The following STXBP6 variants were observed in gnomAD, a reference collection of about 807,000 sequenced individuals.
The protein encoded by STXBP6 is syntaxin binding protein 6, also known as syntaxin-binding protein 6.
STXBP6 carries 21 observed loss-of-function variants against 26.9 expected under a neutral mutation model. The ratio of observed to expected loss-of-function variants is 0.78; its 90% CI spans 0.55 to 1.12. STXBP6 has a LOEUF of 1.12. Among genes scored for constraint, STXBP6 ranks in the 50% most tolerant of loss-of-function variants. The pLI is 0.00. For missense variants in STXBP6, 232 were observed against 257.9 expected (o/e 0.90, Z 0.69); for synonymous variants, 97 against 92.6 (o/e 1.05, Z -0.27).
chr14:24,927,234 T>C (rs930233933), intron 2 of STXBP6, among the ~76,000 whole-genome samples: 1 of 152,194 alleles, frequency 6.6e-6, no homozygotes, highest in Non-Finnish European at 1.5e-5. Flanking sequence ...TTCTCCGTGG[T>C]ATTCCACACT....
At chr14:24,879,773 T>G (rs1210564167) in intron 2 of STXBP6, among the ~76,000 whole-genome samples, 1 of 152,210 alleles carries the variant, frequency 6.6e-6, no homozygotes. Flanking sequence ...GGATCTTGGT[T>G]GGCAGGAGTT....
In STXBP6 at chr14:25,029,006, G is replaced by A. The variant is rs563904348; in HGVS notation, c.-33+20872C>T. Among the ~76,000 whole-genome samples the A allele has an allele frequency of 4.3e-4, 65 of 152,296 alleles. 1 individual carries two copies. Among genetic ancestry groups the A allele is most frequent in the African/African-American group, 1.3e-3 (56 of 41,538 alleles). ...CTTATGATAAAACTTGAATGAATGA[G>A]GAGTTGCTTCTTATGGATGAGCAGA... On this transcript the variant is annotated intron_variant, in intron 1 of 5. Coordinates refer to ENST00000323944, the MANE Select transcript of STXBP6 (RefSeq NM_001394410.1).
chr14:25,049,359 C>T lies in STXBP6; in HGVS notation c.-33+519G>A. The T allele has an allele frequency of 2.0e-6, 2 of 985,368 alleles. No homozygotes were observed. Among genetic ancestry groups the T allele is most frequent in the African/African-American group, 1.7e-5 (1 of 57,354 alleles). The allele number at this position is 985,368 out of a possible 1,614,324, so 61.0% of individuals were successfully genotyped here. On this transcript the variant is annotated intron_variant, in intron 1 of 5. Transcript: ENST00000323944. The surrounding 1 kb of genome is among the most constrained non-coding windows in gnomAD (Gnocchi z 5.6). ...CGCCCTGGGGGCAGGGTGCCGTGCC[C>T]GCCAGAAAAGCTCGCCTCAGTTTTG... is the stretch of plus-strand genomic sequence containing the variant.
chr14:24,859,287 C>G (rs555122318), intron 2 of STXBP6, among the ~76,000 whole-genome samples: 18 of 152,252 alleles, frequency 1.2e-4, no homozygotes, highest in African/African-American at 4.3e-4. Flanking sequence ...TTATTCCTTG[C>G]CCAGTTCTTG....
At chr14:24,855,785 C>T in intron 4 of STXBP6, 151 bp downstream of exon 4, 1 of 607,130 alleles carries the variant, frequency 1.6e-6, no homozygotes, top group Non-Finnish European at 2.6e-6. Context: ...ATACAATAAA[C>T]TCCCTGGAAT....
chr14:24,931,501 G>GAA (rs1323829534), intron 2 of STXBP6, among the ~76,000 whole-genome samples: 4 of 152,304 alleles, frequency 2.6e-5, no homozygotes, highest in African/African-American at 9.6e-5. Context: ...CCTTGGTAGA[G>GAA]TTAGGTTTAT....
At chr14:24,827,138 T>C (rs1054582579) in intron 4 of STXBP6, among the ~76,000 whole-genome samples, 6 of 152,028 alleles carry the variant, frequency 3.9e-5, no homozygotes, top group African/African-American at 1.2e-4. Flanking sequence ...GACACTGAGG[T>C]TTCTGTGAGC....
chr14:24,977,289 C>A (rs2074074718), intron 1 of STXBP6, among the ~76,000 whole-genome samples: 1 of 152,058 alleles, frequency 6.6e-6, no homozygotes, highest in African/African-American at 2.4e-5. Context: ...CATATAAAAT[C>A]TGTCAGAAAA....
At chr14:24,952,628 G>GTCATTA (rs1270118052) in intron 2 of STXBP6, among the ~76,000 whole-genome samples, 1 of 152,044 alleles carries the variant, frequency 6.6e-6, no homozygotes, top group Non-Finnish European at 1.5e-5. Context: ...AACTCTCTTT[G>GTCATTA]TCATTACAAC....
chr14:25,003,459 G>A (rs1301990658), intron 1 of STXBP6, among the ~76,000 whole-genome samples: 4 of 152,148 alleles, frequency 2.6e-5, no homozygotes, highest in African/African-American at 9.7e-5. Flanking sequence ...GTCAAATTAT[G>A]GGTGTGCATG....
chr14:25,027,723 C>T (rs1270320493), intron 1 of STXBP6, among the ~76,000 whole-genome samples: 1 of 152,222 alleles, frequency 6.6e-6, no homozygotes, highest in Non-Finnish European at 1.5e-5. Flanking sequence ...TGTCGAAAGC[C>T]AGGACAGGCT....
chr14:24,921,426 A>G (rs781258872), intron 2 of STXBP6, among the ~76,000 whole-genome samples: 12 of 152,134 alleles, frequency 7.9e-5, no homozygotes, highest in Non-Finnish European at 1.3e-4. Context: ...AAACTTTCCA[A>G]TATCTGCAAA....
chr14:24,814,202 G>A, intron 5 of STXBP6, among the ~76,000 whole-genome samples: 1 of 152,188 alleles, frequency 6.6e-6, no homozygotes, highest in East Asian at 1.9e-4. Flanking sequence ...TGACCTCAAG[G>A]AGTTTATAGT....
chr14:25,014,903 T>C (rs944910374), intron 1 of STXBP6, among the ~76,000 whole-genome samples: 55 of 152,370 alleles, frequency 3.6e-4, no homozygotes, highest in African/African-American at 1.2e-3. Context: ...TTGCTTCTAT[T>C]TCTCTCAATC....
chr14:24,881,086 T>C (rs1400290980), intron 2 of STXBP6, among the ~76,000 whole-genome samples: 1 of 152,046 alleles, frequency 6.6e-6, no homozygotes, highest in East Asian at 1.9e-4. Flanking sequence ...TAATGTTACC[T>C]CCAGTGAGCT....
intron 4 of STXBP6, among the ~76,000 whole-genome samples, chr14:24,823,168 G>A (rs1007245168): frequency 1.3e-5 from 2 of 152,076 alleles, no homozygotes; most frequent in Non-Finnish European, 1.5e-5. Flanking sequence ...CACTTAATGT[G>A]TGCTTTTAAA....
chr14:24,944,461 G>A (rs932234904), intron 2 of STXBP6, among the ~76,000 whole-genome samples: 1 of 152,200 alleles, frequency 6.6e-6, no homozygotes, highest in Non-Finnish European at 1.5e-5. Flanking sequence ...GGAGCACATA[G>A]GGGATATGGG....
At chr14:25,039,125 A>G (rs1281835792) in intron 1 of STXBP6, among the ~76,000 whole-genome samples, 1 of 152,240 alleles carries the variant, frequency 6.6e-6, no homozygotes, top group African/African-American at 2.4e-5. Context: ...TTGTACAACA[A>G]TAAGTATACA....
chr14:24,961,583 A>G (rs755741150), intron 2 of STXBP6, among the ~76,000 whole-genome samples: 4 of 152,276 alleles, frequency 2.6e-5, no homozygotes, highest in African/African-American at 9.6e-5. Flanking sequence ...TATAAGTGAG[A>G]GCTAAACAAT....
Sources: gnomAD v4.1 joint callset for allele counts (sites outside exome capture counted in the v4.1 genomes callset) on GRCh38, gnomAD v4.1.1 for gene constraint, Gnocchi (gnomAD v3.1) non-coding constraint, MANE v1.5 for transcripts, NCBI Gene and HGNC (gene_info 2026-07-23, HGNC 2026-07-21) for gene names.